ANXA5: variants seen among roughly 807,000 people sequenced by gnomAD.
ANXA5 encodes the protein annexin A5.
In ANXA5, 40 loss-of-function variants were observed where a neutral mutation model predicts 48.1. That is an observed-to-expected ratio of 0.83 (90% CI 0.65 to 1.08). The LOEUF (loss-of-function observed/expected upper bound fraction) is 1.08, where lower values mean the gene tolerates loss of function less well. ANXA5 is among the 50% of genes least tolerant of loss of function. The probability of loss-of-function intolerance (pLI) is 0.00; values close to 1 mark genes in which losing one functional copy is unlikely to be tolerated. For synonymous variants in ANXA5, 113 were observed against 129.1 expected (o/e 0.88, Z 0.85); for missense variants, 357 against 376.8 (o/e 0.95, Z 0.44).
Position 121,668,351 on chromosome 4 carries a change from A to G in ANXA5, c.*117T>C, listed in dbSNP as rs1320768010. ...TGACGTGTATGTGTTGGTCATGAGC[A>G]TGCTAGTATGAATAAGGCAATGTGT... On this transcript the variant is annotated 3_prime_UTR_variant, in exon 13 of 13. Coordinates refer to ENST00000296511, the MANE Select transcript of ANXA5 (RefSeq NM_001154.4). 2.4e-6 allele frequency: 2 copies of G among 842,578 alleles called. No homozygotes were observed. Among genetic ancestry groups the G allele is most frequent in the Admixed American group, 2.0e-5 (1 of 49,676 alleles). 52.2% of individuals were successfully genotyped at this position (842,578 alleles called of 1,614,324 possible). A position where few individuals can be genotyped will look rare whatever the true frequency, so the allele number is the denominator to read the frequency against.
At chr4:121,673,536 A>G (rs930366787) in intron 8 of ANXA5, among the ~76,000 whole-genome samples, 4 of 152,232 alleles carry the variant, frequency 2.6e-5, no homozygotes, top group Non-Finnish European at 5.9e-5. Context: ...ACAGGCTTGA[A>G]TATAGAAGTT....
intron 6 of ANXA5, among the ~76,000 whole-genome samples, chr4:121,679,367 G>A (rs11098638): frequency 0.39 from 58,499 of 151,868 alleles, 13,437 homozygotes; most frequent in East Asian, 0.69. Context: ...CACCTAGGTT[G>A]GGCCACAATT....
intron 4 of ANXA5, 142 bp downstream of exon 4, chr4:121,684,535 G>A: frequency 3.0e-6 from 2 of 665,578 alleles, no homozygotes; most frequent in Non-Finnish European, 5.1e-6. Flanking sequence ...ATAATTTAGA[G>A]GAGAGTGGAA....
At chr4:121,686,409 G>C (rs1241207623) in intron 2 of ANXA5, 37 bp from the exon 3 acceptor site, 1 of 1,439,494 alleles carries the variant, frequency 6.9e-7, no homozygotes, top group Admixed American at 1.7e-5. Flanking sequence ...TTCATATCAT[G>C]ACTAATATGA....
At position 121,693,095 on chromosome 4, in the gene ANXA5, G is replaced by A. The variant is rs112586456; in HGVS notation, c.9+3486C>T. Reference sequence around the variant, plus strand: ...CTAAAAATACAAAAATTAGCCAGGCGTGGTGGCACATGCCTCTAATCCCAG... The same window carrying A: ...CTAAAAATACAAAAATTAGCCAGGCATGGTGGCACATGCCTCTAATCCCAG... On this transcript the variant is annotated intron_variant, in intron 2 of 12. Transcript: ENST00000296511. 1.2e-3 allele frequency among the ~76,000 whole-genome samples: 180 copies of A among 152,288 alleles called. 2 individuals carry two copies. Among genetic ancestry groups the A allele is most frequent in the African/African-American group, 4.2e-3 (173 of 41,562 alleles).
At position 121,668,430 on chromosome 4, in the gene ANXA5, G is replaced by A. The variant is rs773461033; in HGVS notation, c.*38C>T. 1 of 1,597,436 alleles carries A rather than the reference G, an allele frequency of 6.3e-7. No homozygotes were observed. The highest frequency in any genetic ancestry group is 1.1e-5 in the South Asian group (1 of 90,742). ...GGTGCTGAAGGAAGGCAGTGGGGTG[G>A]TGCAGGCACACAGCAGGGAGCTCTT... On this transcript the variant is annotated 3_prime_UTR_variant, in exon 13 of 13. Transcript: ENST00000296511.
intron 5 of ANXA5, 71 bp downstream of exon 5, chr4:121,683,293 A>G: frequency 1.1e-6 from 1 of 890,716 alleles, no homozygotes; most frequent in South Asian, 2.4e-5. Flanking sequence ...TATAACAAAT[A>G]AGAGGAAGTA....
chr4:121,674,351 G>C (rs1028877809), intron 8 of ANXA5, among the ~76,000 whole-genome samples: 3 of 151,540 alleles, frequency 2.0e-5, no homozygotes, highest in Non-Finnish European at 4.4e-5. Flanking sequence ...AGGAGAAAGG[G>C]GAAAGAGAAA....
At chr4:121,675,173 T>C (rs1273898338) in intron 8 of ANXA5, among the ~76,000 whole-genome samples, 1 of 152,206 alleles carries the variant, frequency 6.6e-6, no homozygotes, top group African/African-American at 2.4e-5. Flanking sequence ...TTTAATGCAT[T>C]AAAAGTATTA....
At chr4:121,688,405 T>G (rs1034432184) in intron 2 of ANXA5, among the ~76,000 whole-genome samples, 1 of 152,146 alleles carries the variant, frequency 6.6e-6, no homozygotes, top group African/African-American at 2.4e-5. Context: ...ACTTGATGTT[T>G]CCTGTTAGTA....
rs1188318988 is a variant in ANXA5, at chr4:121,691,537, A to AC, written c.9+5043dup. 6.9e-5 allele frequency among the ~76,000 whole-genome samples: 8 copies of AC among 116,292 alleles called. No individual in the cohort carries two copies. In the East Asian group the frequency reaches 3.1e-3, roughly 45 times the overall value. The allele number at this position is 116,292 out of a possible 152,430, so 76.3% of individuals were successfully genotyped here. A position where few individuals can be genotyped will look rare whatever the true frequency, so the allele number is the denominator to read the frequency against. On this transcript the variant is annotated intron_variant, in intron 2 of 12. Transcript: ENST00000296511. ...TAATCAATATTTACTCAAATACCGC[A>AC]CCCTCCCCCCACCTCCAGCATTCCA...
chr4:121,694,109 G>T (rs901425150), intron 2 of ANXA5, among the ~76,000 whole-genome samples: 1 of 124,050 alleles, frequency 8.1e-6, no homozygotes, highest in Admixed American at 8.5e-5. Flanking sequence ...GGGCGGGGGG[G>T]AGGGGGGAGG....
At chr4:121,674,528 C>T (rs1724667199) in intron 8 of ANXA5, among the ~76,000 whole-genome samples, 2 of 152,030 alleles carry the variant, frequency 1.3e-5, no homozygotes, top group Non-Finnish European at 2.9e-5. Context: ...CACTTCTTAT[C>T]AACTGTTTTA....
intron 2 of ANXA5, 85 bp downstream of exon 2, chr4:121,696,496 G>A: frequency 8.0e-7 from 1 of 1,246,706 alleles, no homozygotes; most frequent in Non-Finnish European, 1.0e-6. Context: ...AAACTTTTTG[G>A]CTCTCAGACA....
intron 2 of ANXA5, among the ~76,000 whole-genome samples, chr4:121,686,709 C>T (rs1416964310): frequency 1.3e-5 from 2 of 152,118 alleles, no homozygotes; most frequent in African/African-American, 2.4e-5. Context: ...CCATTTTGAT[C>T]TACAAGCATA....
chr4:121,668,911 T>A (rs989368378), intron 12 of ANXA5, among the ~76,000 whole-genome samples: 3 of 150,632 alleles, frequency 2.0e-5, no homozygotes, highest in Non-Finnish European at 2.9e-5. Context: ...CAGACATGCA[T>A]GATAAATTAA....
In ANXA5 at chr4:121,672,035, G is replaced by T. The variant is rs370680134; in HGVS notation, c.626-393C>A. 3.9e-5 allele frequency among the ~76,000 whole-genome samples: 6 copies of T among 152,260 alleles called. No individual in the cohort carries two copies. The South Asian group carries it at 6.2e-4, about 16-fold the overall frequency. Reference sequence around the variant, plus strand: ...ATGAAGAAAGAAAACCAAAACACTAGGGATAATGGAGCAAAAAGAAAAACC... The same window carrying T: ...ATGAAGAAAGAAAACCAAAACACTATGGATAATGGAGCAAAAAGAAAAACC... On this transcript the variant is annotated intron_variant, in intron 9 of 12. Coordinates refer to ENST00000296511, the MANE Select transcript of ANXA5 (RefSeq NM_001154.4).
At chr4:121,679,911 G>A (rs963391851) in intron 6 of ANXA5, among the ~76,000 whole-genome samples, 8 of 152,036 alleles carry the variant, frequency 5.3e-5, no homozygotes, top group Admixed American at 5.2e-4. Flanking sequence ...AAAATATACT[G>A]TATTCACAAA....
chr4:121,684,811 T>C (rs1397223979), intron 3 of ANXA5, 40 bp from the exon 4 acceptor site: 1 of 1,523,862 alleles, frequency 6.6e-7, no homozygotes, highest in Non-Finnish European at 9.1e-7. Context: ...GGCTCCTACA[T>C]GCATACTCTC....
Sources: allele counts gnomAD v4.1 joint callset (sites outside exome capture counted in the v4.1 genomes callset), GRCh38; gene constraint gnomAD v4.1.1; transcripts MANE v1.5; gene names NCBI Gene and HGNC (gene_info 2026-07-23, HGNC 2026-07-21).